The following GSG1L variants were observed in gnomAD, a reference collection of about 807,000 sequenced individuals.
The protein encoded by GSG1L is germ cell-specific gene 1-like protein.
In GSG1L, 24 loss-of-function variants were observed where a neutral mutation model predicts 42.1. The observed-to-expected ratio is 0.57, with a 90% CI of 0.41 to 0.80. The LOEUF is 0.80. GSG1L is among the 30% of genes least tolerant of loss of function. The pLI is 0.00. For synonymous variants in GSG1L, 215 were observed against 203.5 expected (o/e 1.06, Z -0.48); for missense variants, 445 against 472.2 (o/e 0.94, Z 0.53).
At chr16:27,942,685 G>A (rs1194555590) in intron 2 of GSG1L, among the ~76,000 whole-genome samples, 3 of 152,114 alleles carry the variant, frequency 2.0e-5, no homozygotes, top group Non-Finnish European at 4.4e-5. Flanking sequence ...TTAGTAATCA[G>A]GGAAACGTAA....
intron 1 of GSG1L, among the ~76,000 whole-genome samples, chr16:27,964,323 C>CAAAAA (rs11306598): frequency 7.9e-6 from 1 of 126,550 alleles, no homozygotes; most frequent in Non-Finnish European, 1.7e-5. Context: ...GACTCTGTCT[C>CAAAAA]AAAAAAAAAA....
chr16:28,055,355 G>T (rs1264171555), intron 1 of GSG1L, among the ~76,000 whole-genome samples: 1 of 151,990 alleles, frequency 6.6e-6, no homozygotes, highest in East Asian at 1.9e-4. Context: ...TGGGGGTCTT[G>T]CTATGTTGCC....
At chr16:27,829,710 C>T (rs545959180) in intron 4 of GSG1L, among the ~76,000 whole-genome samples, 12 of 152,250 alleles carry the variant, frequency 7.9e-5, no homozygotes, top group African/African-American at 2.9e-4. Context: ...CTGCTCCCAG[C>T]ACCTCCTCAC....
chr16:27,801,239 T>C (rs758672049), intron 6 of GSG1L, among the ~76,000 whole-genome samples: 1 of 152,020 alleles, frequency 6.6e-6, no homozygotes, highest in African/African-American at 2.4e-5. Flanking sequence ...TCTCCCAGGG[T>C]AAGGAGCAAG....
chr16:27,875,655 A>G (rs1281883467), intron 3 of GSG1L, among the ~76,000 whole-genome samples: 1 of 152,238 alleles, frequency 6.6e-6, no homozygotes, highest in African/African-American at 2.4e-5. Flanking sequence ...GACTGAGCCC[A>G]CATCATGGAC....
rs571005515 is a variant in GSG1L at position 28,031,728 on chromosome 16, C to T, written c.349+31348G>A. 6.0e-4 allele frequency among the ~76,000 whole-genome samples: 92 copies of T among 152,124 alleles called. 1 individual carries two copies. The highest frequency in any genetic ancestry group is 1.2e-3 in the Non-Finnish European group (83 of 68,016). ...CAGGCTCAGTTCTGACCCCAGCACA[C>T]GGATAACCCTCCATAAACATCTGTT... On this transcript the variant is annotated intron_variant, in intron 1 of 6. Coordinates refer to ENST00000447459, the MANE Select transcript of GSG1L (RefSeq NM_001109763.2).
chr16:28,037,096 G>A (rs985824006), intron 1 of GSG1L, among the ~76,000 whole-genome samples: 5 of 151,650 alleles, frequency 3.3e-5, no homozygotes, highest in South Asian at 2.1e-4. Flanking sequence ...GTGTGATCTC[G>A]GCTCACTGCA....
At chr16:27,822,554 A>G (rs1312193040) in intron 5 of GSG1L, among the ~76,000 whole-genome samples, 1 of 152,072 alleles carries the variant, frequency 6.6e-6, no homozygotes, top group Non-Finnish European at 1.5e-5. Context: ...AGTAACTGGG[A>G]CCACAGGCAC....
intron 6 of GSG1L, among the ~76,000 whole-genome samples, chr16:27,798,032 GA>G (rs1489584806): frequency 6.6e-6 from 1 of 152,122 alleles, no homozygotes; most frequent in African/African-American, 2.4e-5. Flanking sequence ...TCCACAGGGG[GA>G]GGATGGGAGT....
At position 28,024,861 on chromosome 16, in the gene GSG1L, C is replaced by T. The variant is rs571932850; in HGVS notation, c.349+38215G>A. Among the ~76,000 whole-genome samples, 8 of 152,338 alleles carry T rather than the reference C, an allele frequency of 5.3e-5. No individual in the cohort carries two copies. In the East Asian group the frequency reaches 9.6e-4, roughly 18 times the overall value. ...TAGCTGAGGCTGAGCAGGGCTGCAT[C>T]GAGCCCATCCTCCATGCCCAGAGGG... On this transcript the variant is annotated intron_variant, in intron 1 of 6. Coordinates refer to ENST00000447459, the MANE Select transcript of GSG1L (RefSeq NM_001109763.2).
chr16:27,917,079 T>G (rs72782202), intron 2 of GSG1L, among the ~76,000 whole-genome samples: 9,194 of 152,132 alleles, frequency 0.06, 321 homozygotes, highest in African/African-American at 0.072. Flanking sequence ...TTTTCTGTAA[T>G]CCAGAGGCCA....
chr16:27,866,040 C>G (rs1170675751), intron 3 of GSG1L, among the ~76,000 whole-genome samples: 2 of 151,998 alleles, frequency 1.3e-5, no homozygotes, highest in Non-Finnish European at 2.9e-5. Flanking sequence ...CTCTGTGTCT[C>G]TCTCTAGTTC....
At chr16:27,910,596 A>G (rs2084376430) in intron 2 of GSG1L, among the ~76,000 whole-genome samples, 1 of 152,202 alleles carries the variant, frequency 6.6e-6, no homozygotes, top group Non-Finnish European at 1.5e-5. Context: ...ATTGCCATGG[A>G]TGATGAACTG....
intron 1 of GSG1L, among the ~76,000 whole-genome samples, chr16:28,005,620 T>G (rs554253244): frequency 1.4e-5 from 2 of 147,356 alleles, no homozygotes; most frequent in African/African-American, 5.1e-5. Context: ...GTATGAATGG[T>G]GGGGGGGGAG....
At position 28,063,145 on chromosome 16, in the gene GSG1L, C is replaced by G. The variant is rs942740279; in HGVS notation, c.280G>C (p.Asp94His). 1 of 1,426,500 alleles carries G rather than the reference C, an allele frequency of 7.0e-7. No homozygotes were observed. The highest frequency in any genetic ancestry group is 9.2e-7 in the Non-Finnish European group (1 of 1,083,964). 88.4% of individuals were successfully genotyped at this position (1,426,500 alleles called of 1,614,324 possible). The change falls in exon 1 of 7, where the codon GAC becomes CAC. Residue 94 changes from aspartate (D) to histidine (H), a missense_variant. Around this residue, in one of 3 missense-constraint regions of GSG1L, gnomAD observed 149 missense variants for 223.3 expected, o/e 0.67. Coordinates refer to ENST00000447459, the MANE Select transcript of GSG1L (RefSeq NM_001109763.2). The surrounding 1 kb of genome is among the most constrained non-coding windows in gnomAD (Gnocchi z 5.8). ...GALYSWETGD[D>H]RFLFRNFHTG... ...TGGAAATTCCTGAAGAGGAAGCGGT[C>G]GTCGCCGGTCTCCCAGCTGTAGAGC...
At chr16:28,056,656 T>C (rs1405704192) in intron 1 of GSG1L, among the ~76,000 whole-genome samples, 1 of 151,958 alleles carries the variant, frequency 6.6e-6, no homozygotes, top group Admixed American at 6.6e-5. Context: ...TTGGTCCCTG[T>C]CACACGGTGC....
intron 3 of GSG1L, among the ~76,000 whole-genome samples, chr16:27,852,468 G>T (rs1445770499): frequency 2.6e-5 from 4 of 152,082 alleles, no homozygotes; most frequent in Non-Finnish European, 4.4e-5. Flanking sequence ...CGGGGTCTGT[G>T]GGGTGGGGAG....
At chr16:27,897,729 C>T (rs1383969248) in intron 2 of GSG1L, among the ~76,000 whole-genome samples, 1 of 152,218 alleles carries the variant, frequency 6.6e-6, no homozygotes, top group Non-Finnish European at 1.5e-5. Flanking sequence ...AGAGATACCT[C>T]GCTGTGGTGG....
rs951179183 is a variant in GSG1L, at chr16:28,040,104, C to T, written c.349+22972G>A. 1.6e-4 allele frequency among the ~76,000 whole-genome samples: 24 copies of T among 152,060 alleles called. No individual in the cohort carries two copies. The highest frequency in any genetic ancestry group is 5.9e-5 in the Non-Finnish European group (4 of 68,012). On this transcript the variant is annotated intron_variant, in intron 1 of 6. Transcript: ENST00000447459. The surrounding 1 kb of genome is among the most constrained non-coding windows in gnomAD (Gnocchi z 4.1). ...CTTCCTGCAAAACAATGGCTGAGCC[C>T]GTCACCCTTCTCCACACCCATCACC... is the stretch of plus-strand genomic sequence containing the variant.
Sources: gnomAD v4.1 joint callset for allele counts (sites outside exome capture counted in the v4.1 genomes callset) on GRCh38, gnomAD v4.1.1 for gene constraint, gnomAD v4.1.1 regional missense constraint, Gnocchi (gnomAD v3.1) non-coding constraint, MANE v1.5 for transcripts, NCBI Gene and HGNC (gene_info 2026-07-23, HGNC 2026-07-21) for gene names.